UBE2W: variants seen among roughly 807,000 people sequenced by gnomAD.
The protein encoded by UBE2W is ubiquitin-conjugating enzyme E2 W.
In UBE2W, 18 loss-of-function variants were observed where a neutral mutation model predicts 27.2. The observed-to-expected ratio is 0.66, with a 90% CI of 0.46 to 0.98. The LOEUF (loss-of-function observed/expected upper bound fraction) is 0.98. UBE2W is among the 50% of genes least tolerant of loss of function. The pLI, the probability that UBE2W is intolerant of heterozygous loss-of-function variation, is 0.00. For missense variants in UBE2W, 90 were observed against 180.2 expected (o/e 0.50, Z 2.87); for synonymous variants, 53 against 57.2 (o/e 0.93, Z 0.33).
chr8:73,857,063 C>T (rs1381246629), intron 1 of UBE2W, among the ~76,000 whole-genome samples: 1 of 152,058 alleles, frequency 6.6e-6, no homozygotes, highest in Admixed American at 6.6e-5. Context: ...CTTTGTCAAG[C>T]CCAAATACAC....
intron 2 of UBE2W, 50 bp downstream of exon 2, chr8:73,830,331 A>C (rs771105508): frequency 9.7e-6 from 13 of 1,339,542 alleles, no homozygotes; most frequent in Non-Finnish European, 1.3e-5. Context: ...GTGAACATTC[A>C]TACATTATTG....
At chr8:73,876,875 G>C (rs183665294) in intron 1 of UBE2W, among the ~76,000 whole-genome samples, 56 of 152,286 alleles carry the variant, frequency 3.7e-4, no homozygotes, top group African/African-American at 1.2e-3. Context: ...GCTGAGGTGG[G>C]AGAATCGCTT....
Position 73,786,231 on chromosome 8 carries a change from A to C in UBE2W, c.*7871T>G, listed in dbSNP as rs1215426781. The C allele has an allele frequency of 1.0e-6, 1 of 985,424 alleles. No individual in the cohort carries two copies. The highest frequency in any genetic ancestry group is 1.7e-5 in the African/African-American group (1 of 57,354). The allele number at this position is 985,424 out of a possible 1,614,324, so 61.0% of individuals were successfully genotyped here. A position where few individuals can be genotyped will look rare whatever the true frequency, so the allele number is the denominator to read the frequency against. On this transcript the variant is annotated 3_prime_UTR_variant, in exon 6 of 6. Transcript: ENST00000602593. ...AAGCCAAAACCAATGAAGAATGATT[A>C]ATGATTTATTTAAAAGTAGTTTTCT... is the stretch of plus-strand genomic sequence containing the variant.
In UBE2W at chr8:73,805,454, C is replaced by CAAAAAAAAAAAAAAAAAAAAAAAAAAA. The variant is rs1162712227; in HGVS notation, c.442+196_442+197insTTTTTTTTTTTTTTTTTTTTTTTTTTT. On this transcript the variant is annotated intron_variant, in intron 5 of 5. Transcript: ENST00000602593. ...GGGCAACAAGAGCAAAACTCCATCT[C>CAAAAAAAAAAAAAAAAAAAAAAAAAAA]AAAAAAAAAAAAAAAAACAAAAAAA... Among the ~76,000 whole-genome samples, 37 of 14,574 alleles carry CAAAAAAAAAAAAAAAAAAAAAAAAAAA rather than the reference C, an allele frequency of 2.5e-3. 7 individuals carry two copies. Among genetic ancestry groups the CAAAAAAAAAAAAAAAAAAAAAAAAAAA allele is most frequent in the South Asian group, 3.5e-3 (1 of 282 alleles). The allele number at this position is 14,574 out of a possible 152,430, so 9.6% of individuals were successfully genotyped here.
At chr8:73,856,351 T>TTA (rs148771136) in intron 1 of UBE2W, among the ~76,000 whole-genome samples, 4,768 of 142,296 alleles carry the variant, frequency 0.034, 247 homozygotes, top group African/African-American at 0.11. Flanking sequence ...TTATATACAC[T>TTA]TATGAATTTT....
Position 73,845,956 on chromosome 8 carries a change from CA to C in UBE2W, c.16-15485del, listed in dbSNP as rs539658324. On this transcript the variant is annotated intron_variant, in intron 1 of 5. Transcript: ENST00000602593. ...CAAAAGTTTTACTACCAACAGTAAC[CA>C]ACAAAAGATTAAACCCTGAATTCCT... Among the ~76,000 whole-genome samples, 648 of 152,088 alleles carry C rather than the reference CA, an allele frequency of 4.3e-3. 6 individuals are homozygous for C. Among genetic ancestry groups the C allele is most frequent in the African/African-American group, 0.015 (622 of 41,478 alleles).
chr8:73,846,356 A>G (rs2130938842), intron 1 of UBE2W, among the ~76,000 whole-genome samples: 1 of 152,276 alleles, frequency 6.6e-6, no homozygotes, highest in African/African-American at 2.4e-5. Flanking sequence ...ATATTGCACC[A>G]CTGCACTCCA....
At chr8:73,847,492 T>A (rs1421061819) in intron 1 of UBE2W, among the ~76,000 whole-genome samples, 1 of 152,150 alleles carries the variant, frequency 6.6e-6, no homozygotes, top group Non-Finnish European at 1.5e-5. Context: ...CATTCCAAGG[T>A]ATACCCAGCA....
At position 73,791,748 on chromosome 8, in the gene UBE2W, A is replaced by C. The variant is rs1808212291; in HGVS notation, c.*2354T>G. The C allele has an allele frequency of 3.9e-6, 3 of 778,212 alleles. No individual in the cohort carries two copies. Among genetic ancestry groups the C allele is most frequent in the Non-Finnish European group, 4.6e-6 (3 of 649,508 alleles). 48.2% of individuals were successfully genotyped at this position (778,212 alleles called of 1,614,324 possible). A position where few individuals can be genotyped will look rare whatever the true frequency, so the allele number is the denominator to read the frequency against. ...ATGAATTTTAAATGTCTGTGCTCCTATATTTTAGGATATTTCATCTTATTT... is the reference window on the plus strand; with the variant it reads ...ATGAATTTTAAATGTCTGTGCTCCTCTATTTTAGGATATTTCATCTTATTT... On this transcript the variant is annotated 3_prime_UTR_variant, in exon 6 of 6. Coordinates refer to ENST00000602593, the MANE Select transcript of UBE2W (RefSeq NM_018299.6).
Position 73,793,970 on chromosome 8 carries a change from G to A in UBE2W, c.*132C>T. 4 of 1,495,538 alleles carry A rather than the reference G, an allele frequency of 2.7e-6. No individual in the cohort carries two copies. Among genetic ancestry groups the A allele is most frequent in the Non-Finnish European group, 2.7e-6 (3 of 1,122,312 alleles). 92.6% of individuals were successfully genotyped at this position (1,495,538 alleles called of 1,614,324 possible). ...GCCCAGAATGCACACGAGTAAAAATGCAGTAAAAGGAAGTAGTCTTCATTG... is the reference window on the plus strand; with the variant it reads ...GCCCAGAATGCACACGAGTAAAAATACAGTAAAAGGAAGTAGTCTTCATTG... On this transcript the variant is annotated 3_prime_UTR_variant, in exon 6 of 6. Transcript: ENST00000602593.
chr8:73,789,808 G>T lies in UBE2W; in HGVS notation c.*4294C>A. The T allele has an allele frequency of 1.4e-6, 1 of 727,682 alleles. No individual in the cohort carries two copies. Among genetic ancestry groups the T allele is most frequent in the Non-Finnish European group, 1.7e-6 (1 of 594,988 alleles). The allele number at this position is 727,682 out of a possible 1,614,324, so 45.1% of individuals were successfully genotyped here. On this transcript the variant is annotated 3_prime_UTR_variant, in exon 6 of 6. Transcript: ENST00000602593. The stretch of plus-strand genomic sequence containing the variant: ...AGCCAAGATCGTGCACTGCACTAAA[G>T]CCCGGGTGACAGAGCAAGACTCCGT...
At chr8:73,815,840 G>A (rs1809365132) in intron 3 of UBE2W, among the ~76,000 whole-genome samples, 1 of 152,120 alleles carries the variant, frequency 6.6e-6, no homozygotes, top group Admixed American at 6.5e-5. Flanking sequence ...GACAGTATGA[G>A]GAAAATATGT....
chr8:73,816,181 C>G (rs1809377014), intron 3 of UBE2W, among the ~76,000 whole-genome samples: 2 of 152,154 alleles, frequency 1.3e-5, no homozygotes, highest in African/African-American at 2.4e-5. Context: ...CACAACGAAA[C>G]TAAACTTGGA....
chr8:73,856,726 G>A (rs1299842874), intron 1 of UBE2W, among the ~76,000 whole-genome samples: 1 of 150,396 alleles, frequency 6.6e-6, no homozygotes, highest in Non-Finnish European at 1.5e-5. Flanking sequence ...TTTTTTTTGA[G>A]ACAGGGTGTT....
Position 73,790,199 on chromosome 8 carries a change from A to T in UBE2W, c.*3903T>A. ...CTAACCTCAGAAAAAAAAAAGAGAGAATAAATTAGAAGTGAGAAAAGGAAA... is the reference window on the plus strand; with the variant it reads ...CTAACCTCAGAAAAAAAAAAGAGAGTATAAATTAGAAGTGAGAAAAGGAAA... On this transcript the variant is annotated 3_prime_UTR_variant, in exon 6 of 6. Transcript: ENST00000602593. 1.0e-6 allele frequency: 1 copy of T among 985,172 alleles called. No individual in the cohort carries two copies. Among genetic ancestry groups the T allele is most frequent in the Non-Finnish European group, 1.2e-6 (1 of 829,774 alleles). 61.0% of individuals were successfully genotyped at this position (985,172 alleles called of 1,614,324 possible). A position where few individuals can be genotyped will look rare whatever the true frequency, so the allele number is the denominator to read the frequency against.
chr8:73,864,883 T>C (rs985707376), intron 1 of UBE2W, among the ~76,000 whole-genome samples: 14 of 151,916 alleles, frequency 9.2e-5, no homozygotes, highest in African/African-American at 3.1e-4. Context: ...ATTACACGAA[T>C]GAGCCACCAT....
At chr8:73,805,464 A>ACAAAAAC (rs1563577895) in intron 5 of UBE2W, among the ~76,000 whole-genome samples, 187 bp downstream of exon 5, 1 of 124,626 alleles carries the variant, frequency 8.0e-6, no homozygotes, top group African/African-American at 2.7e-5. Flanking sequence ...CAAAAAAAAA[A>ACAAAAAC]AAAAAAACAA....
intron 3 of UBE2W, among the ~76,000 whole-genome samples, chr8:73,818,053 T>C (rs1809465963): frequency 6.6e-6 from 1 of 152,204 alleles, no homozygotes; most frequent in African/African-American, 2.4e-5. Flanking sequence ...ACTCTTTTTG[T>C]CCTTTAAGGC....
chr8:73,830,400 C>T lies in UBE2W; in HGVS notation c.88G>A (p.Val30Ile). Residue 30 changes from valine (V) to isoleucine (I), a missense_variant, in exon 2 of 6, where the codon GTT (valine) becomes ATT (isoleucine). By Grantham distance (29) the Val-to-Ile change is conservative (BLOSUM62 3). Transcript: ENST00000602593. ...ACTTACTGTGTAATTGAATTTTGAA[C>T]ACTCTTCTCATTTAAGGTCATTCCA... ...PPGMTLNEKS[V>I]QNSITQWIVD... is the part of the protein sequence containing the mutation. 2 of 1,612,854 alleles carry T rather than the reference C, an allele frequency of 1.2e-6. No individual in the cohort carries two copies. The highest frequency in any genetic ancestry group is 1.7e-6 in the Non-Finnish European group (2 of 1,179,146).
Sources: gnomAD v4.1 joint callset for allele counts (sites outside exome capture counted in the v4.1 genomes callset) on GRCh38, gnomAD v4.1.1 for gene constraint, MANE v1.5 for transcripts, NCBI Gene and HGNC (gene_info 2026-07-23, HGNC 2026-07-21) for gene names.